The following CDH2 variants were observed in gnomAD, a reference collection of about 807,000 sequenced individuals.
CDH2 encodes the protein cadherin-2.
Under a neutral mutation model 92.0 loss-of-function variants are expected in CDH2, and 17 were observed. That is an observed-to-expected ratio of 0.18 (90% CI 0.13 to 0.28). The LOEUF (loss-of-function observed/expected upper bound fraction) is 0.28, where lower values mean the gene tolerates loss of function less well. Ranked by LOEUF, CDH2 falls within the 10% of genes least tolerant of loss-of-function variation. CDH2 has a pLI of 1.00. For missense variants in CDH2, 862 were observed against 1,133.1 expected, an observed-to-expected ratio of 0.76 and a Z score of 3.44; for synonymous variants, 419 against 415.9, an observed-to-expected ratio of 1.01 and a Z score of -0.09.
chr18:28,164,665 G>GACAC (rs143584290), intron 1 of CDH2, among the ~76,000 whole-genome samples: 1 of 150,882 alleles, frequency 6.6e-6, no homozygotes, highest in Non-Finnish European at 1.5e-5. Context: ...CACACACACA[G>GACAC]ACACACACAC....
intron 2 of CDH2, among the ~76,000 whole-genome samples, chr18:28,036,770 A>AAC (rs2013840523): frequency 6.6e-6 from 1 of 152,132 alleles, no homozygotes; most frequent in Non-Finnish European, 1.5e-5. Context: ...TCTTGCCCCC[A>AAC]ACCTTGGGCA....
chr18:28,145,250 G>C (rs138735092), intron 2 of CDH2, among the ~76,000 whole-genome samples: 1 of 152,210 alleles, frequency 6.6e-6, no homozygotes, highest in Non-Finnish European at 1.5e-5. Flanking sequence ...TCCAGAGTTA[G>C]GAGTTACGAT....
intron 2 of CDH2, among the ~76,000 whole-genome samples, chr18:28,034,530 G>A (rs1279784659): frequency 1.3e-5 from 2 of 151,974 alleles, no homozygotes; most frequent in African/African-American, 4.8e-5. Flanking sequence ...AGCAATTGCT[G>A]CAGATAAAAA....
chr18:28,095,622 AG>A (rs1359731462), intron 2 of CDH2, among the ~76,000 whole-genome samples: 1 of 152,012 alleles, frequency 6.6e-6, no homozygotes, highest in African/African-American at 2.4e-5. Context: ...GTTCGAAATC[AG>A]CCTTGGCAAC....
At chr18:28,166,118 A>G (rs1257359098) in intron 1 of CDH2, among the ~76,000 whole-genome samples, 1 of 137,192 alleles carries the variant, frequency 7.3e-6, no homozygotes, top group African/African-American at 2.7e-5. Flanking sequence ...ATGACTGCTT[A>G]CCTACCAAAG....
At chr18:28,051,357 G>A (rs2014186511) in intron 2 of CDH2, among the ~76,000 whole-genome samples, 1 of 151,974 alleles carries the variant, frequency 6.6e-6, no homozygotes, top group Admixed American at 6.6e-5. Context: ...AATGACCTTG[G>A]GAAAATACTA....
intron 2 of CDH2, among the ~76,000 whole-genome samples, chr18:28,132,073 C>G (rs1366829749): frequency 6.6e-6 from 1 of 152,140 alleles, no homozygotes; most frequent in Non-Finnish European, 1.5e-5. Flanking sequence ...ACCCCTTGTT[C>G]AAAAAGAAAC....
At chr18:28,127,511 T>C (rs904351135) in intron 2 of CDH2, among the ~76,000 whole-genome samples, 11 of 142,238 alleles carry the variant, frequency 7.7e-5, no homozygotes, top group African/African-American at 2.7e-4. Context: ...CCAATTTTCC[T>C]AGGCAAAAAT....
chr18:28,101,351 C>G (rs1280171536), intron 2 of CDH2, among the ~76,000 whole-genome samples: 1 of 152,010 alleles, frequency 6.6e-6, no homozygotes, highest in Admixed American at 6.6e-5. Flanking sequence ...GTCATACGAC[C>G]CCTGTAGCTA....
chr18:28,069,509 C>G (rs1287864394), intron 2 of CDH2, among the ~76,000 whole-genome samples: 1 of 152,090 alleles, frequency 6.6e-6, no homozygotes, highest in East Asian at 1.9e-4. Context: ...TGGTGACAAC[C>G]AATTCACATT....
At chr18:27,938,705 A>G (rs1188975770) in intron 6 of CDH2, among the ~76,000 whole-genome samples, 2 of 152,126 alleles carry the variant, frequency 1.3e-5, no homozygotes, top group Non-Finnish European at 2.9e-5. Flanking sequence ...GAGAAAGTGA[A>G]ACCTCTACAT....
intron 14 of CDH2, among the ~76,000 whole-genome samples, chr18:27,972,291 G>A (rs1291647957): frequency 6.6e-6 from 1 of 152,070 alleles, no homozygotes; most frequent in East Asian, 1.9e-4. Context: ...TATTACCAGT[G>A]GTCATCTAAT....
chr18:27,992,988 G>T, intron 8 of CDH2, 148 bp from the exon 9 acceptor site: 1 of 529,366 alleles, frequency 1.9e-6, no homozygotes, highest in Non-Finnish European at 3.3e-6. Flanking sequence ...GGTAATCACA[G>T]CATTTATGTC....
chr18:28,138,672 T>C (rs779131929), intron 2 of CDH2, among the ~76,000 whole-genome samples: 3 of 152,116 alleles, frequency 2.0e-5, no homozygotes, highest in Non-Finnish European at 4.4e-5. Flanking sequence ...TGCTTGTCTG[T>C]TGACCACTAT....
At chr18:27,967,977 G>C (rs1308963748) in intron 14 of CDH2, among the ~76,000 whole-genome samples, 1 of 152,172 alleles carries the variant, frequency 6.6e-6, no homozygotes, top group Non-Finnish European at 1.5e-5. Context: ...AGAATCTACA[G>C]AATTGTATAG....
At chr18:28,038,013 G>A (rs1599053803) in intron 2 of CDH2, among the ~76,000 whole-genome samples, 1 of 152,292 alleles carries the variant, frequency 6.6e-6, no homozygotes, top group East Asian at 1.9e-4. Flanking sequence ...AAAAAAGGAT[G>A]CCAATGTTTT....
chr18:28,097,446 T>C (rs2015155645), intron 2 of CDH2, among the ~76,000 whole-genome samples: 1 of 152,068 alleles, frequency 6.6e-6, no homozygotes, highest in Non-Finnish European at 1.5e-5. Context: ...ATTTTGTTCT[T>C]GCAAGTGCAT....
intron 1 of CDH2, 70 bp from the exon 2 acceptor site, chr18:28,147,854 C>T (rs765202338): frequency 4.6e-6 from 4 of 876,572 alleles, no homozygotes; most frequent in African/African-American, 1.7e-5. Context: ...AAACATTCCA[C>T]TTGGCATAAA....
At chr18:28,052,298 T>C (rs1297856090) in intron 2 of CDH2, among the ~76,000 whole-genome samples, 1 of 152,194 alleles carries the variant, frequency 6.6e-6, no homozygotes, top group Non-Finnish European at 1.5e-5. Flanking sequence ...GGTATCAATA[T>C]CTGTATCAAA....
Sources: gnomAD v4.1 joint callset for allele counts (sites outside exome capture counted in the v4.1 genomes callset) on GRCh38, gnomAD v4.1.1 for gene constraint, MANE v1.5 for transcripts, NCBI Gene and HGNC (gene_info 2026-07-23, HGNC 2026-07-21) for gene names.